The following ASIC2 variants were observed in gnomAD, a reference collection of about 807,000 sequenced individuals.
The protein encoded by ASIC2 is acid-sensing ion channel 2.
ASIC2 carries 25 observed loss-of-function variants against 57.3 expected under a neutral mutation model. The observed-to-expected ratio is 0.44, with a 90% CI of 0.32 to 0.61. ASIC2 has a LOEUF of 0.61. Ranked by LOEUF, ASIC2 falls within the 20% of genes least tolerant of loss-of-function variation. The probability of loss-of-function intolerance (pLI) is 0.06; values close to 1 mark genes in which losing one functional copy is unlikely to be tolerated. For missense variants in ASIC2, 641 were observed against 738.1 expected (o/e 0.87, Z 1.52); for synonymous variants, 319 against 307.5 (o/e 1.04, Z -0.39).
intron 1 of ASIC2, among the ~76,000 whole-genome samples, chr17:34,091,978 T>C (rs940514996): frequency 1.3e-5 from 2 of 152,222 alleles, no homozygotes; most frequent in Non-Finnish European, 2.9e-5. Context: ...AAGGTTTTCC[T>C]TTCCCTACTT....
intron 1 of ASIC2, among the ~76,000 whole-genome samples, chr17:33,926,320 T>A (rs12943350): frequency 6.6e-6 from 1 of 152,022 alleles, no homozygotes; most frequent in Admixed American, 6.6e-5. Context: ...TCCAAAATGC[T>A]TGGGACCAGA....
chr17:34,106,911 C>G (rs575340651), intron 1 of ASIC2, among the ~76,000 whole-genome samples: 7 of 152,098 alleles, frequency 4.6e-5, no homozygotes, highest in African/African-American at 1.4e-4. Flanking sequence ...CTTATTATTC[C>G]AGGAGTATAT....
chr17:33,378,215 T>G (rs1406673337), intron 1 of ASIC2, among the ~76,000 whole-genome samples: 1 of 152,260 alleles, frequency 6.6e-6, no homozygotes, highest in African/African-American at 2.4e-5. Context: ...GAGATTGTTG[T>G]GATCATATGC....
At chr17:33,119,495 T>C (rs1043894588) in intron 1 of ASIC2, among the ~76,000 whole-genome samples, 1 of 152,232 alleles carries the variant, frequency 6.6e-6, no homozygotes, top group Non-Finnish European at 1.5e-5. Flanking sequence ...GTAAACAAAA[T>C]GAACCTGGCT....
intron 1 of ASIC2, among the ~76,000 whole-genome samples, chr17:33,364,178 G>A (rs1048059285): frequency 6.6e-6 from 1 of 152,118 alleles, no homozygotes; most frequent in Non-Finnish European, 1.5e-5. Flanking sequence ...CTTCTCTGGG[G>A]CTAGGAAGAA....
intron 1 of ASIC2, chr17:33,534,318 T>C (rs565311647): frequency 6.6e-6 from 1 of 152,294 alleles, no homozygotes; most frequent in South Asian, 2.1e-4. Context: ...ACCTTGAGCA[T>C]GCAGAATCAA....
chr17:33,551,325 G>GAGGTTGC (rs374624300), intron 1 of ASIC2, among the ~76,000 whole-genome samples: 11 of 152,028 alleles, frequency 7.2e-5, no homozygotes, highest in African/African-American at 2.7e-4. Context: ...AGGGCTAGAT[G>GAGGTTGC]AGGTTGCAGC....
chr17:33,151,602 C>A (rs1470584901), intron 1 of ASIC2, among the ~76,000 whole-genome samples: 1 of 152,178 alleles, frequency 6.6e-6, no homozygotes, highest in East Asian at 1.9e-4. Flanking sequence ...CACAAGGGCT[C>A]TGCTCTCATG....
At chr17:34,124,386 C>T (rs1326830910) in intron 1 of ASIC2, among the ~76,000 whole-genome samples, 1 of 152,222 alleles carries the variant, frequency 6.6e-6, no homozygotes, top group Non-Finnish European at 1.5e-5. Context: ...AAAATAACCA[C>T]TCCAATCCAT....
intron 3 of ASIC2, among the ~76,000 whole-genome samples, chr17:33,029,759 G>A (rs936776273): frequency 6.6e-6 from 1 of 152,204 alleles, no homozygotes; most frequent in Non-Finnish European, 1.5e-5. Flanking sequence ...AGTAGTGTCT[G>A]AGAATTCTCA....
At chr17:33,806,257 G>A (rs1912265136) in intron 1 of ASIC2, among the ~76,000 whole-genome samples, 1 of 152,226 alleles carries the variant, frequency 6.6e-6, no homozygotes. Flanking sequence ...AACAGACACA[G>A]ACAGTACCCA....
At chr17:33,225,568 A>G (rs896555388) in intron 1 of ASIC2, among the ~76,000 whole-genome samples, 1 of 152,228 alleles carries the variant, frequency 6.6e-6, no homozygotes. Flanking sequence ...CCCAGTGGCT[A>G]TCTAGTCATT....
At chr17:33,644,003 A>C (rs1428159772) in intron 1 of ASIC2, among the ~76,000 whole-genome samples, 1 of 152,216 alleles carries the variant, frequency 6.6e-6, no homozygotes, top group Non-Finnish European at 1.5e-5. Context: ...TCTTGCCATC[A>C]CAACAAACAC....
intron 1 of ASIC2, among the ~76,000 whole-genome samples, chr17:33,429,739 G>C (rs1911344583): frequency 6.6e-6 from 1 of 152,150 alleles, no homozygotes; most frequent in Non-Finnish European, 1.5e-5. Context: ...TTTGTTGCCT[G>C]AGCAAAGACA....
At chr17:33,205,710 G>A (rs1907035328) in intron 1 of ASIC2, among the ~76,000 whole-genome samples, 3 of 152,284 alleles carry the variant, frequency 2.0e-5, no homozygotes, top group Middle Eastern at 6.8e-3. Flanking sequence ...TTCTGGTTGG[G>A]TCCTGACACC....
intron 1 of ASIC2, among the ~76,000 whole-genome samples, chr17:33,884,466 T>C (rs2141942363): frequency 6.6e-6 from 1 of 152,294 alleles, no homozygotes; most frequent in East Asian, 1.9e-4. Flanking sequence ...CTTCTTTTTA[T>C]CTGCTGGATC....
At chr17:33,231,343 C>T (rs1207130001) in intron 1 of ASIC2, among the ~76,000 whole-genome samples, 3 of 152,086 alleles carry the variant, frequency 2.0e-5, no homozygotes, top group Non-Finnish European at 2.9e-5. Context: ...TTCCAGATTG[C>T]GGGTACCTGG....
chr17:34,009,162 CT>C (rs1214237027), intron 1 of ASIC2, among the ~76,000 whole-genome samples: 1 of 151,922 alleles, frequency 6.6e-6, no homozygotes, highest in Non-Finnish European at 1.5e-5. Flanking sequence ...TCCTATTCGA[CT>C]TGGAGAGACC....
Position 34,117,062 on chromosome 17 carries a change from G to A in ASIC2, c.555+38916C>T, listed in dbSNP as rs1288360549. ...TATGTATCGTGGGTTTGTGTATATG[G>A]AAAGTGTGCACACACACAGGTTACT... is the stretch of plus-strand genomic sequence containing the variant. On this transcript the variant is annotated intron_variant, in intron 1 of 9. Coordinates refer to the ASIC2 transcript ENST00000359872. Among the ~76,000 whole-genome samples the A allele has an allele frequency of 2.0e-5, 3 of 152,128 alleles. 1 individual carries two copies. In the South Asian group the frequency reaches 6.2e-4, roughly 32 times the overall value.
Sources: allele counts gnomAD v4.1 joint callset (sites outside exome capture counted in the v4.1 genomes callset), GRCh38; gene constraint gnomAD v4.1.1; transcripts MANE v1.5; gene names NCBI Gene and HGNC (gene_info 2026-07-23, HGNC 2026-07-21).